Variants in HCN1 observed in about 807,000 individuals in gnomAD.
HCN1 encodes the protein potassium/sodium hyperpolarization-activated cyclic nucleotide-gated channel 1.
Under a neutral mutation model 78.9 loss-of-function variants are expected in HCN1, and 13 were observed. The observed-to-expected ratio is 0.16, with a 90% CI of 0.11 to 0.26. The LOEUF (loss-of-function observed/expected upper bound fraction) is 0.26. Ranked by LOEUF, HCN1 falls within the 10% of genes least tolerant of loss-of-function variation. HCN1 has a pLI of 1.00. For missense variants in HCN1, 810 were observed against 1,154.3 expected (o/e 0.70, Z 4.32); for synonymous variants, 552 against 455.5 (o/e 1.21, Z -2.70).
chr5:45,593,672 TTTTA>T (rs1744432709), intron 2 of HCN1, among the ~76,000 whole-genome samples: 1 of 85,622 alleles, frequency 1.2e-5, no homozygotes, highest in Non-Finnish European at 2.6e-5. Context: ...TATTATTGAA[TTTTA>T]TTTATTTATT....
At chr5:45,391,382 A>G (rs572649550) in intron 4 of HCN1, among the ~76,000 whole-genome samples, 3 of 152,178 alleles carry the variant, frequency 2.0e-5, no homozygotes, top group African/African-American at 7.2e-5. Flanking sequence ...AAATCAGCAA[A>G]CCAAATTAGT....
At position 45,368,282 on chromosome 5, in the gene HCN1, A is replaced by G. The variant is rs114412352; in HGVS notation, c.1231-15036T>C. Among the ~76,000 whole-genome samples, 340 of 152,132 alleles carry G rather than the reference A, an allele frequency of 2.2e-3. 2 individuals carry two copies. Among genetic ancestry groups the G allele is most frequent in the African/African-American group, 8.0e-3 (331 of 41,554 alleles). On this transcript the variant is annotated intron_variant, in intron 4 of 7. Transcript: ENST00000303230. ...TTCGCCATGCTGAATGATCTTAAGG[A>G]GACACATTTAATCCATAGTCACTGC... is the stretch of plus-strand genomic sequence containing the variant.
At chr5:45,340,511 G>T (rs1746554522) in intron 5 of HCN1, among the ~76,000 whole-genome samples, 1 of 152,006 alleles carries the variant, frequency 6.6e-6, no homozygotes, top group Non-Finnish European at 1.5e-5. Context: ...GATTACCTTT[G>T]TCTCCTTGCT....
chr5:45,450,861 G>A (rs1740901742), intron 3 of HCN1, among the ~76,000 whole-genome samples: 1 of 152,080 alleles, frequency 6.6e-6, no homozygotes, highest in Non-Finnish European at 1.5e-5. Context: ...AATAGGGCAG[G>A]CTTCAGTACC....
intron 2 of HCN1, among the ~76,000 whole-genome samples, chr5:45,636,581 C>A (rs1053723154): frequency 1.3e-5 from 2 of 152,132 alleles, no homozygotes; most frequent in Non-Finnish European, 2.9e-5. Context: ...GGCACACTGG[C>A]TCGTGCTTGT....
intron 2 of HCN1, among the ~76,000 whole-genome samples, chr5:45,485,972 A>G (rs1173903846): frequency 6.6e-6 from 1 of 152,184 alleles, no homozygotes; most frequent in African/African-American, 2.4e-5. Context: ...AGTGTTTACC[A>G]TTGTATTTGA....
At chr5:45,330,433 A>G (rs73099459) in intron 5 of HCN1, among the ~76,000 whole-genome samples, 2,486 of 151,122 alleles carry the variant, frequency 0.016, 74 homozygotes, top group African/African-American at 0.057. Context: ...ATATATATAC[A>G]TATGATGTAC....
chr5:45,490,130 C>T (rs550207523), intron 2 of HCN1, among the ~76,000 whole-genome samples: 10 of 152,086 alleles, frequency 6.6e-5, no homozygotes, highest in Non-Finnish European at 1.5e-4. Flanking sequence ...ACACAGGGAA[C>T]AACATGTGCA....
At chr5:45,304,315 T>A (rs1450289850) in intron 5 of HCN1, among the ~76,000 whole-genome samples, 3 of 151,598 alleles carry the variant, frequency 2.0e-5, no homozygotes, top group African/African-American at 7.3e-5. Context: ...TTTTTGTTAG[T>A]GTCATTCACA....
intron 2 of HCN1, among the ~76,000 whole-genome samples, chr5:45,619,725 A>C (rs1447947164): frequency 1.3e-5 from 2 of 152,102 alleles, no homozygotes; most frequent in African/African-American, 2.4e-5. Context: ...TAGTGGACTA[A>C]ACTTTAAGGA....
At chr5:45,349,727 C>A (rs1205506950) in intron 5 of HCN1, among the ~76,000 whole-genome samples, 2 of 152,128 alleles carry the variant, frequency 1.3e-5, no homozygotes, top group Non-Finnish European at 2.9e-5. Context: ...AAACTGCCCA[C>A]AGAGAATACT....
At chr5:45,282,083 A>C (rs1745180934) in intron 6 of HCN1, among the ~76,000 whole-genome samples, 1 of 152,210 alleles carries the variant, frequency 6.6e-6, no homozygotes, top group Non-Finnish European at 1.5e-5. Flanking sequence ...ACATAGGACT[A>C]TCAAATATCA....
At chr5:45,668,865 C>A (rs951931916) in intron 1 of HCN1, among the ~76,000 whole-genome samples, 1 of 151,830 alleles carries the variant, frequency 6.6e-6, no homozygotes, top group African/African-American at 2.4e-5. Flanking sequence ...TCGTGGTCCA[C>A]TAGTATCTTG....
chr5:45,268,916 C>T (rs1285865287), intron 6 of HCN1, among the ~76,000 whole-genome samples: 1 of 152,138 alleles, frequency 6.6e-6, no homozygotes, highest in Non-Finnish European at 1.5e-5. Context: ...GAATACTACT[C>T]CAAAATTAAA....
At chr5:45,640,919 A>C (rs995406425) in intron 2 of HCN1, among the ~76,000 whole-genome samples, 1 of 152,094 alleles carries the variant, frequency 6.6e-6, no homozygotes, top group African/African-American at 2.4e-5. Flanking sequence ...TTATAGAAGC[A>C]GAAAGAATCA....
At chr5:45,510,711 C>T (rs1742397668) in intron 2 of HCN1, among the ~76,000 whole-genome samples, 1 of 152,060 alleles carries the variant, frequency 6.6e-6, no homozygotes, top group Admixed American at 6.6e-5. Context: ...TCAAACTGCT[C>T]TGTGTTCTGC....
intron 5 of HCN1, among the ~76,000 whole-genome samples, chr5:45,311,064 T>G (rs1352772132): frequency 6.6e-6 from 1 of 152,068 alleles, no homozygotes; most frequent in African/African-American, 2.4e-5. Context: ...GATACTAGGT[T>G]TAATGCCTGA....
intron 3 of HCN1, among the ~76,000 whole-genome samples, chr5:45,433,120 A>G (rs1740496320): frequency 6.6e-6 from 1 of 152,164 alleles, no homozygotes; most frequent in South Asian, 2.1e-4. Flanking sequence ...CTATAATTCA[A>G]GATGAAATTT....
intron 6 of HCN1, among the ~76,000 whole-genome samples, chr5:45,268,816 A>ATCTATTTTGG (rs1744909478): frequency 6.6e-6 from 1 of 152,172 alleles, no homozygotes; most frequent in Non-Finnish European, 1.5e-5. Context: ...AGGAAAATAA[A>ATCTATTTTGG]TCTATTTTGG....
Sources: gnomAD v4.1 joint callset for allele counts (sites outside exome capture counted in the v4.1 genomes callset) on GRCh38, gnomAD v4.1.1 for gene constraint, MANE v1.5 for transcripts, NCBI Gene and HGNC (gene_info 2026-07-23, HGNC 2026-07-21) for gene names.